Variants in SYTL3 observed in about 807,000 individuals in gnomAD.
SYTL3 encodes synaptotagmin-like protein 3.
A neutral mutation model predicts 82.1 loss-of-function variants in SYTL3; 88 were observed. That is an observed-to-expected ratio of 1.07 (90% CI 0.90 to 1.28). The LOEUF is 1.28. SYTL3 is among the 50% of genes most tolerant of loss of function. The pLI is 0.00. For missense variants in SYTL3, 831 were observed against 757.6 expected (o/e 1.10, Z -1.14); for synonymous variants, 311 against 289.4 (o/e 1.07, Z -0.76).
At position 158,663,294 on chromosome 6, in the gene SYTL3, C is replaced by T. The variant is rs916851143; in HGVS notation, c.26C>T (p.Ala9Val). The stretch of plus-strand genomic sequence containing the variant: ...ATGGCCCAAGAAATAGATCTGAGTG[C>T]TCTCAAGGAGTTAGAACGCGAGGCC... The part of the protein sequence containing the change: MAQEIDLS[A>V]LKELEREAIL... The change falls in exon 4 of 18, where the codon GCT becomes GTT. Residue 9 changes from alanine (A) to valine (V), a missense_variant. Ala to Val is a moderately conservative substitution (Grantham distance 64, BLOSUM62 0). Coordinates refer to ENST00000611299, the MANE Select transcript of SYTL3 (RefSeq NM_001242394.2). 3.1e-6 allele frequency: 5 copies of T among 1,614,032 alleles called. No homozygotes were observed. The African/African-American group carries it at 6.7e-5, about 22-fold the overall frequency.
At position 158,707,219 on chromosome 6, in the gene SYTL3, A is replaced by G; in HGVS notation, c.395-11A>G. 2.5e-6 allele frequency: 4 copies of G among 1,613,698 alleles called. No homozygotes were observed. The highest frequency in any genetic ancestry group is 3.4e-6 in the Non-Finnish European group (4 of 1,179,940). ...TTAATAATAAACGCCCTCTATGGAT[A>G]TCTCTCGCAGGCAAACATGAGACAG... On this transcript the variant is annotated splice_polypyrimidine_tract_variant and intron_variant, in intron 6 of 17. Coordinates refer to ENST00000611299, the MANE Select transcript of SYTL3 (RefSeq NM_001242394.2).
At chr6:158,753,297 G>A (rs972364022) in intron 13 of SYTL3, among the ~76,000 whole-genome samples, 7 of 151,676 alleles carry the variant, frequency 4.6e-5, no homozygotes, top group Non-Finnish European at 8.8e-5. Context: ...TGACCAGGCT[G>A]GTCTTGAACT....
At chr6:158,651,985 T>C (rs1055885177) in intron 2 of SYTL3, 143 bp downstream of exon 2, 6 of 152,012 alleles carry the variant, frequency 3.9e-5, no homozygotes, top group Non-Finnish European at 7.4e-5. Flanking sequence ...TGGAGTGCAA[T>C]GGCACGATCT....
At chr6:158,703,763 G>A (rs1326474049) in intron 6 of SYTL3, among the ~76,000 whole-genome samples, 2 of 151,758 alleles carry the variant, frequency 1.3e-5, no homozygotes, top group South Asian at 2.1e-4. Context: ...TGGGACCTGC[G>A]GGTCCCCCTG....
At chr6:158,672,396 C>T (rs746227398) in intron 5 of SYTL3, among the ~76,000 whole-genome samples, 2 of 152,164 alleles carry the variant, frequency 1.3e-5, no homozygotes, top group Non-Finnish European at 2.9e-5. Flanking sequence ...AATGATTTCA[C>T]TGGGTTTTAA....
At chr6:158,698,100 C>G (rs1780757220) in intron 6 of SYTL3, among the ~76,000 whole-genome samples, 1 of 152,078 alleles carries the variant, frequency 6.6e-6, no homozygotes. Context: ...CTAAAATATG[C>G]TTAAAATGGC....
At chr6:158,706,813 C>A (rs1420585088) in intron 6 of SYTL3, among the ~76,000 whole-genome samples, 1 of 152,188 alleles carries the variant, frequency 6.6e-6, no homozygotes, top group African/African-American at 2.4e-5. Flanking sequence ...ATTTAATCTT[C>A]ATCACAAGGC....
chr6:158,731,141 G>A (rs1785352565), intron 11 of SYTL3, among the ~76,000 whole-genome samples: 1 of 151,820 alleles, frequency 6.6e-6, no homozygotes, highest in Non-Finnish European at 1.5e-5. Flanking sequence ...AAAATTAGCC[G>A]GGCATGGTGG....
intron 6 of SYTL3, among the ~76,000 whole-genome samples, chr6:158,700,429 A>C (rs1446391130): frequency 1.3e-5 from 2 of 151,652 alleles, no homozygotes; most frequent in Admixed American, 1.3e-4. Flanking sequence ...ACTTATTCTT[A>C]TCTCTCTCGA....
At chr6:158,722,141 TTC>T (rs1784184040) in intron 10 of SYTL3, among the ~76,000 whole-genome samples, 1 of 141,694 alleles carries the variant, frequency 7.1e-6, no homozygotes, top group Non-Finnish European at 1.6e-5. Flanking sequence ...GTAGATAACT[TTC>T]TTTTTTTGTT....
At chr6:158,680,282 C>A (rs1386772381) in intron 5 of SYTL3, among the ~76,000 whole-genome samples, 2 of 152,170 alleles carry the variant, frequency 1.3e-5, no homozygotes, top group African/African-American at 4.8e-5. Flanking sequence ...AAACTTCTGC[C>A]TAGAGGCTGA....
At chr6:158,753,647 G>A (rs896933270) in intron 13 of SYTL3, among the ~76,000 whole-genome samples, 25 of 150,600 alleles carry the variant, frequency 1.7e-4, no homozygotes, top group Non-Finnish European at 3.5e-4. Context: ...GGAGAATGGC[G>A]TGAACCCGGG....
intron 6 of SYTL3, among the ~76,000 whole-genome samples, chr6:158,695,623 A>G (rs1192883063): frequency 6.6e-6 from 1 of 152,200 alleles, no homozygotes; most frequent in East Asian, 1.9e-4. Context: ...TGTTATGCAA[A>G]CATCACCACC....
At chr6:158,744,355 G>A (rs1413793553) in intron 11 of SYTL3, among the ~76,000 whole-genome samples, 1 of 131,044 alleles carries the variant, frequency 7.6e-6, no homozygotes, top group Non-Finnish European at 1.5e-5. Flanking sequence ...CGCCCAGACT[G>A]GAGTGCAGTG....
rs748080295 is a variant in SYTL3 at position 158,751,975 on chromosome 6, G to A, written c.1082G>A (p.Arg361His). Residue 361 changes from arginine to histidine, a missense_variant, in exon 13 of 18, where the codon CGC (arginine) becomes CAC (histidine). Physicochemically the swap from Arg to His is conservative, Grantham distance 29. Coordinates refer to ENST00000611299, the MANE Select transcript of SYTL3 (RefSeq NM_001242394.2). ...CCCGACAGATCCTCCCAGGGAAAGC[G>A]CAAGACTGGAGTCCAAAGGAACACC... is the stretch of plus-strand genomic sequence containing the variant. ...LLPDRSSQGK[R>H]KTGVQRNTVD... The A allele has an allele frequency of 3.7e-5, 60 of 1,602,330 alleles. No individual in the cohort carries two copies. The South Asian group carries it at 5.2e-4, about 14-fold the overall frequency.
chr6:158,706,438 T>C (rs1359571689), intron 6 of SYTL3, among the ~76,000 whole-genome samples: 1 of 152,214 alleles, frequency 6.6e-6, no homozygotes. Context: ...AATGGTTTTT[T>C]TGGAATGGCT....
At chr6:158,727,200 T>C (rs1426754397) in intron 11 of SYTL3, among the ~76,000 whole-genome samples, 2 of 151,188 alleles carry the variant, frequency 1.3e-5, no homozygotes, top group African/African-American at 2.4e-5. Context: ...TGAGATGGAG[T>C]CTTACTGTGT....
In SYTL3 at chr6:158,708,388, C is replaced by A; in HGVS notation, c.513C>A (p.Gly171=). The A allele has an allele frequency of 6.2e-7, 1 of 1,613,870 alleles. No individual in the cohort carries two copies. Among genetic ancestry groups the A allele is most frequent in the Non-Finnish European group, 8.5e-7 (1 of 1,179,770 alleles). Residue 171 remains glycine (G), a synonymous_variant, in exon 8 of 18, where the codon GGC becomes GGA. Transcript: ENST00000611299. ...VSESQCSRSP[G]RLQEFGQFRG... is the part of the protein sequence containing the mutation. ...AGAGCCAGTGCAGCCGCAGTCCTGG[C>A]AGGGTAACGTATCCATTCTGGGCAC...
chr6:158,763,989 CATG>C (rs374186050), intron 17 of SYTL3, among the ~76,000 whole-genome samples: 2 of 152,138 alleles, frequency 1.3e-5, no homozygotes, highest in East Asian at 1.9e-4. Context: ...GTGTCCCTGA[CATG>C]ATGACAACCA....
Sources: allele counts gnomAD v4.1 joint callset (sites outside exome capture counted in the v4.1 genomes callset), GRCh38; gene constraint gnomAD v4.1.1; transcripts MANE v1.5; gene names NCBI Gene and HGNC (gene_info 2026-07-23, HGNC 2026-07-21).